C12orf42: variants seen among roughly 807,000 people sequenced by gnomAD.
C12orf42 encodes the protein uncharacterized protein C12orf42.
In C12orf42, 25 loss-of-function variants were observed where a neutral mutation model predicts 21.6. The ratio of observed to expected loss-of-function variants is 1.16; its 90% CI spans 0.84 to 1.62. C12orf42 has a LOEUF of 1.62. Ranked by LOEUF, C12orf42 falls within the 40% of genes most tolerant of loss-of-function variation. The probability of loss-of-function intolerance (pLI) is 0.00; values close to 1 mark genes in which losing one functional copy is unlikely to be tolerated. For synonymous variants in C12orf42, 174 were observed against 175.0 expected (o/e 0.99, Z 0.05); for missense variants, 483 against 459.3 (o/e 1.05, Z -0.47).
chr12:103,396,028 A>AAT (rs1478377303), intron 3 of C12orf42, among the ~76,000 whole-genome samples: 1 of 148,696 alleles, frequency 6.7e-6, no homozygotes, highest in Non-Finnish European at 1.5e-5. Flanking sequence ...GTTATAACAT[A>AAT]ATATATATAC....
At chr12:103,441,010 T>G (rs1408021513) in intron 2 of C12orf42, among the ~76,000 whole-genome samples, 1 of 152,210 alleles carries the variant, frequency 6.6e-6, no homozygotes, top group East Asian at 1.9e-4. Context: ...ATAATTATTT[T>G]TAAAAAATAA....
At chr12:103,475,047 G>A (rs1257294053) in intron 2 of C12orf42, among the ~76,000 whole-genome samples, 1 of 152,194 alleles carries the variant, frequency 6.6e-6, no homozygotes, top group Non-Finnish European at 1.5e-5. Flanking sequence ...GCATGTCTGT[G>A]TTTTAGCAAG....
At chr12:103,242,295 A>G (rs527619856) in intron 10 of C12orf42, among the ~76,000 whole-genome samples, 1 of 152,300 alleles carries the variant, frequency 6.6e-6, no homozygotes, top group South Asian at 2.1e-4. Flanking sequence ...TGTTTGACCT[A>G]AATTTATTTT....
chr12:103,303,234 ATATG>A (rs1401198527), intron 5 of C12orf42, among the ~76,000 whole-genome samples: 7 of 152,240 alleles, frequency 4.6e-5, no homozygotes, highest in African/African-American at 1.7e-4. Flanking sequence ...CAAGACTGCT[ATATG>A]TGTGTGTGAA....
At chr12:103,136,769 A>T in the C12orf42 span, among the ~76,000 whole-genome samples, 2 of 152,236 alleles carry the variant, frequency 1.3e-5, no homozygotes, top group Non-Finnish European at 2.9e-5. Flanking sequence ...TGTCAACCTC[A>T]TACATTGGGG....
At chr12:103,360,146 C>T (rs975423463) in intron 4 of C12orf42, among the ~76,000 whole-genome samples, 7 of 147,638 alleles carry the variant, frequency 4.7e-5, no homozygotes, top group Admixed American at 2.7e-4. Flanking sequence ...GCAACTTGAT[C>T]ATATCTAGCA....
chr12:103,492,154 C>G (rs1442438844), intron 1 of C12orf42, among the ~76,000 whole-genome samples: 1 of 152,162 alleles, frequency 6.6e-6, no homozygotes, highest in Non-Finnish European at 1.5e-5. Context: ...GATGGGGTTT[C>G]ACCCTGTTAG....
At chr12:103,469,377 T>G (rs12299102) in intron 2 of C12orf42, among the ~76,000 whole-genome samples, 1,531 of 152,296 alleles carry the variant, frequency 0.01, 19 homozygotes, top group African/African-American at 0.033. Context: ...CAGAAAGACC[T>G]CCAAATGGGG....
chr12:103,123,832 C>T, the C12orf42 span, among the ~76,000 whole-genome samples: 1 of 151,526 alleles, frequency 6.6e-6, no homozygotes, highest in African/African-American at 2.4e-5. Flanking sequence ...AAAGATTAAC[C>T]ATCAGAGATT....
chr12:103,076,368 C>T, the C12orf42 span, among the ~76,000 whole-genome samples: 1 of 150,602 alleles, frequency 6.6e-6, no homozygotes, highest in Non-Finnish European at 1.5e-5. Context: ...GGGGTTAATG[C>T]TCTGTATGAT....
At chr12:103,163,552 C>G in the C12orf42 span, among the ~76,000 whole-genome samples, 3 of 152,178 alleles carry the variant, frequency 2.0e-5, no homozygotes, top group African/African-American at 7.2e-5. Context: ...GTCTTTTGTT[C>G]TGTCCACAGC....
chr12:103,456,732 A>G lies in C12orf42; in HGVS notation c.78+21617T>C, dbSNP rs1239864032. Among the ~76,000 whole-genome samples, 4 of 152,302 alleles carry G rather than the reference A, an allele frequency of 2.6e-5. No individual in the cohort carries two copies. In the East Asian group the frequency reaches 7.7e-4, roughly 29 times the overall value. ...AACTATTGCTTAAAGGTTGAGGCTTATATGTAGACCTTAGAAACTGCATTG... is the reference window on the plus strand; with the variant it reads ...AACTATTGCTTAAAGGTTGAGGCTTGTATGTAGACCTTAGAAACTGCATTG... On this transcript the variant is annotated intron_variant, in intron 2 of 5. Transcript: ENST00000548883.
chr12:103,276,952 T>C (rs78042268), intron 5 of C12orf42, among the ~76,000 whole-genome samples: 2,521 of 152,280 alleles, frequency 0.017, 96 homozygotes, highest in African/African-American at 0.057. Context: ...TGCTAGTTTT[T>C]GAAATATTTT....
chr12:103,263,287 A>T (rs1009764994), intron 10 of C12orf42: 3 of 152,060 alleles, frequency 2.0e-5, no homozygotes, highest in Admixed American at 2.0e-4. Context: ...GTACCCTAGA[A>T]CTTAGAGTAT....
intron 10 of C12orf42, among the ~76,000 whole-genome samples, chr12:103,244,057 GC>G (rs566951466): frequency 2.8e-4 from 42 of 152,268 alleles, no homozygotes; most frequent in Admixed American, 1.9e-3. Context: ...AAGAACTGGA[GC>G]TACAGGGTAG....
At chr12:103,448,933 C>A (rs1951749996) in intron 2 of C12orf42, among the ~76,000 whole-genome samples, 1 of 152,044 alleles carries the variant, frequency 6.6e-6, no homozygotes, top group South Asian at 2.1e-4. Flanking sequence ...ATCCAGCAAT[C>A]CCACTACTAG....
At chr12:103,455,069 A>T (rs560520241) in intron 2 of C12orf42, among the ~76,000 whole-genome samples, 37 of 152,298 alleles carry the variant, frequency 2.4e-4, no homozygotes, top group African/African-American at 7.0e-4. Context: ...TATTAGTAAT[A>T]GTAGTAGCAT....
chr12:103,526,136 A>T, the C12orf42 span, among the ~76,000 whole-genome samples: 1 of 152,212 alleles, frequency 6.6e-6, no homozygotes, highest in Non-Finnish European at 1.5e-5. Context: ...AACTATTCCG[A>T]GCTTTCAATT....
the C12orf42 span, among the ~76,000 whole-genome samples, chr12:103,522,693 G>T: frequency 6.6e-6 from 1 of 152,172 alleles, no homozygotes; most frequent in Admixed American, 6.5e-5. Context: ...TCACCAACAG[G>T]ATTGTGTTCC....
Sources: gnomAD v4.1 joint callset for allele counts (sites outside exome capture counted in the v4.1 genomes callset) on GRCh38, gnomAD v4.1.1 for gene constraint, MANE v1.5 for transcripts, NCBI Gene and HGNC (gene_info 2026-07-23, HGNC 2026-07-21) for gene names.